The following MMP26 variants were observed in gnomAD, a reference collection of about 807,000 sequenced individuals.
MMP26 encodes the protein matrix metalloproteinase-26.
Under a neutral mutation model 31.0 loss-of-function variants are expected in MMP26, and 33 were observed. The observed-to-expected ratio is 1.06, with a 90% CI of 0.81 to 1.42. MMP26 has a LOEUF of 1.42. Ranked by LOEUF, MMP26 falls within the 40% of genes most tolerant of loss-of-function variation. MMP26 has a pLI of 0.00. For missense variants in MMP26, 347 were observed against 316.1 expected, an observed-to-expected ratio of 1.10 and a Z score of -0.74; for synonymous variants, 122 against 114.9, an observed-to-expected ratio of 1.06 and a Z score of -0.40.
At chr11:4,851,136 T>A (rs1370651973) in intron 2 of MMP26, among the ~76,000 whole-genome samples, 3 of 152,200 alleles carry the variant, frequency 2.0e-5, no homozygotes, top group Non-Finnish European at 2.9e-5. Context: ...AGATATAAGC[T>A]TGTTTATTGA....
intron 2 of MMP26, among the ~76,000 whole-genome samples, chr11:4,983,041 A>G (rs1846836712): frequency 6.6e-6 from 1 of 152,246 alleles, no homozygotes; most frequent in Admixed American, 6.5e-5. Context: ...AGACCATTCT[A>G]TGAGACGGTA....
chr11:4,818,941 C>T (rs1274577778), intron 2 of MMP26, among the ~76,000 whole-genome samples: 1 of 151,902 alleles, frequency 6.6e-6, no homozygotes, highest in East Asian at 1.9e-4. Flanking sequence ...CAGATAAAGA[C>T]AAGCTGGAAG....
At chr11:4,783,802 A>G (rs1447143995) in intron 2 of MMP26, among the ~76,000 whole-genome samples, 1 of 152,092 alleles carries the variant, frequency 6.6e-6, no homozygotes, top group Non-Finnish European at 1.5e-5. Flanking sequence ...TGATGGTTTG[A>G]TAAGGGGCAA....
chr11:4,920,781 T>A (rs532200192), intron 2 of MMP26, among the ~76,000 whole-genome samples: 65 of 152,300 alleles, frequency 4.3e-4, no homozygotes, highest in African/African-American at 1.5e-3. Context: ...ATTTATGGTT[T>A]ACCATCATAT....
chr11:4,987,932 C>A, intron 2 of MMP26, 136 bp from the exon 3 acceptor site: 1 of 468,530 alleles, frequency 2.1e-6, no homozygotes, highest in Non-Finnish European at 3.9e-6. Flanking sequence ...CCCCTATATT[C>A]TGAGACTGAC....
rs139417127 is a variant in MMP26, at chr11:4,894,154, A to G, written c.-144-93914A>G. On this transcript the variant is annotated intron_variant, in intron 2 of 7. Transcript: ENST00000380390. Reference sequence around the variant, plus strand: ...ACATAAAAGTAGAGTGGGTTAAAAGAGAAAACAGAAAAATCAGAGAGATAG... The same window carrying G: ...ACATAAAAGTAGAGTGGGTTAAAAGGGAAAACAGAAAAATCAGAGAGATAG... 5.0e-3 allele frequency among the ~76,000 whole-genome samples: 760 copies of G among 151,828 alleles called. 9 individuals are homozygous for G. The highest frequency in any genetic ancestry group is 0.016 in the African/African-American group (653 of 41,412).
chr11:4,907,273 C>T, intron 2 of MMP26: 1 of 736,756 alleles, frequency 1.4e-6, no homozygotes, highest in South Asian at 1.8e-5. Context: ...TACGAATGAA[C>T]CCCTTATCCT....
chr11:4,810,728 A>G (rs1465248275), intron 2 of MMP26, among the ~76,000 whole-genome samples: 1 of 152,254 alleles, frequency 6.6e-6, no homozygotes. Flanking sequence ...TGCCATAGTC[A>G]GTTCTGAAAC....
chr11:4,759,111 CAAAAAAAAAA>C (rs989730402), intron 1 of MMP26, among the ~76,000 whole-genome samples: 3 of 43,206 alleles, frequency 6.9e-5, no homozygotes, highest in Non-Finnish European at 1.4e-4. Flanking sequence ...CATTCCATCT[CAAAAAAAAAA>C]AAAAAAAAAA....
chr11:4,760,747 C>T (rs1848560783), intron 1 of MMP26, among the ~76,000 whole-genome samples: 1 of 152,154 alleles, frequency 6.6e-6, no homozygotes, highest in African/African-American at 2.4e-5. Context: ...GCCACTCTAT[C>T]TCTCTGGTGT....
chr11:4,739,353 T>C (rs999769993), intron 1 of MMP26, among the ~76,000 whole-genome samples: 8 of 152,202 alleles, frequency 5.3e-5, no homozygotes, highest in Admixed American at 6.5e-5. Context: ...TTCTTCTCTT[T>C]CCTTTCTTCT....
intron 2 of MMP26, among the ~76,000 whole-genome samples, chr11:4,780,761 C>A (rs905062420): frequency 3.3e-5 from 5 of 151,822 alleles, no homozygotes; most frequent in African/African-American, 4.8e-5. Context: ...TACTGAAGTA[C>A]ATATTTCTCC....
At chr11:4,784,957 G>C (rs940429792) in intron 2 of MMP26, among the ~76,000 whole-genome samples, 1 of 152,184 alleles carries the variant, frequency 6.6e-6, no homozygotes, top group Non-Finnish European at 1.5e-5. Flanking sequence ...GATTTTGAAT[G>C]TTTTCACAAA....
chr11:4,968,070 C>T (rs1254126377), intron 2 of MMP26, among the ~76,000 whole-genome samples: 1 of 152,058 alleles, frequency 6.6e-6, no homozygotes, highest in Non-Finnish European at 1.5e-5. Context: ...TTTCATGAAT[C>T]CATTCAGTTC....
chr11:4,737,954 C>G (rs930857569), intron 1 of MMP26, among the ~76,000 whole-genome samples: 3 of 152,210 alleles, frequency 2.0e-5, no homozygotes, highest in African/African-American at 2.4e-5. Flanking sequence ...GTGGCTAGGA[C>G]TACAGGCTCT....
At chr11:4,910,670 A>C (rs1198438414) in intron 2 of MMP26, among the ~76,000 whole-genome samples, 1 of 152,170 alleles carries the variant, frequency 6.6e-6, no homozygotes, top group Non-Finnish European at 1.5e-5. Flanking sequence ...TTAATTGTTT[A>C]AAGATTGCTT....
chr11:4,898,151 A>G (rs1035924955), intron 2 of MMP26, among the ~76,000 whole-genome samples: 5 of 151,876 alleles, frequency 3.3e-5, no homozygotes, highest in East Asian at 3.9e-4. Flanking sequence ...GCAAACATAT[A>G]TATTTTACTG....
intron 2 of MMP26, among the ~76,000 whole-genome samples, chr11:4,809,799 T>C (rs979095472): frequency 3.9e-5 from 6 of 152,270 alleles, no homozygotes; most frequent in African/African-American, 7.2e-5. Flanking sequence ...GAAGCTCCCA[T>C]TGAGTTAGGC....
chr11:4,924,285 A>C (rs999057653), intron 2 of MMP26: 3 of 1,613,804 alleles, frequency 1.9e-6, no homozygotes, highest in Non-Finnish European at 2.5e-6. Flanking sequence ...AGACCTTGGA[A>C]GCCCGTCAGG....
Sources: gnomAD v4.1 joint callset for allele counts (sites outside exome capture counted in the v4.1 genomes callset) on GRCh38, gnomAD v4.1.1 for gene constraint, MANE v1.5 for transcripts, NCBI Gene and HGNC (gene_info 2026-07-23, HGNC 2026-07-21) for gene names.